The following ZFHX3 variants were observed in gnomAD, a reference collection of about 807,000 sequenced individuals.
ZFHX3 encodes the protein zinc finger homeobox protein 3.
ZFHX3 carries 42 observed loss-of-function variants against 279.1 expected under a neutral mutation model. The observed-to-expected ratio is 0.15, with a 90% CI of 0.12 to 0.19. The LOEUF (loss-of-function observed/expected upper bound fraction) is 0.19. Ranked by LOEUF, ZFHX3 falls within the 10% of genes least tolerant of loss-of-function variation. The pLI, the probability that ZFHX3 is intolerant of heterozygous loss-of-function variation, is 1.00. For synonymous variants in ZFHX3, 2,293 were observed against 1,957.8 expected (o/e 1.17, Z -4.52); for missense variants, 4,981 against 4,754.0 (o/e 1.05, Z -1.40).
At chr16:72,993,723 C>T (rs866199152) in intron 1 of ZFHX3, among the ~76,000 whole-genome samples, 5 of 152,146 alleles carry the variant, frequency 3.3e-5, no homozygotes, top group Non-Finnish European at 5.9e-5. Flanking sequence ...TGTTTGCTCA[C>T]GATAACTCCT....
At chr16:73,576,039 T>C in intron 2 of ZFHX3, among the ~76,000 whole-genome samples, 1 of 152,170 alleles carries the variant, frequency 6.6e-6, no homozygotes, top group East Asian at 1.9e-4. Flanking sequence ...CTCTTGATAT[T>C]TTTCTTGACC....
At chr16:72,836,959 A>C (rs572799970) in intron 4 of ZFHX3, among the ~76,000 whole-genome samples, 31 of 152,244 alleles carry the variant, frequency 2.0e-4, no homozygotes, top group African/African-American at 6.7e-4. Context: ...TCAGGATGTC[A>C]TTTCTTTTCC....
At chr16:73,784,786 TAAAAA>T (rs66537411) in intron 1 of ZFHX3, among the ~76,000 whole-genome samples, 9,067 of 133,636 alleles carry the variant, frequency 0.068, 1,058 homozygotes, top group African/African-American at 0.25. Flanking sequence ...TTTAACAAAA[TAAAAA>T]AAAAAATATA....
At chr16:73,630,116 A>T (rs1020723739) in intron 2 of ZFHX3, among the ~76,000 whole-genome samples, 11 of 152,186 alleles carry the variant, frequency 7.2e-5, no homozygotes, top group Non-Finnish European at 1.3e-4. Flanking sequence ...GAAAAAAAAA[A>T]TTCCAGAGGT....
chr16:73,352,864 A>C (rs1444387946), intron 3 of ZFHX3, among the ~76,000 whole-genome samples: 1 of 152,120 alleles, frequency 6.6e-6, no homozygotes, highest in Non-Finnish European at 1.5e-5. Context: ...CCTCAGCTGC[A>C]CTGGTCAATC....
At chr16:73,099,303 A>T (rs1372279811) in intron 7 of ZFHX3, 1 of 152,250 alleles carries the variant, frequency 6.6e-6, no homozygotes. Context: ...TTAAAAAATA[A>T]TGCCACCCTA....
intron 1 of ZFHX3, among the ~76,000 whole-genome samples, chr16:73,786,221 C>A (rs1170226772): frequency 6.6e-6 from 1 of 151,910 alleles, no homozygotes. Flanking sequence ...ATGGATGTGG[C>A]CTCTTCCTTT....
chr16:73,238,151 G>A (rs868633355), intron 5 of ZFHX3, among the ~76,000 whole-genome samples: 2 of 152,112 alleles, frequency 1.3e-5, no homozygotes, highest in African/African-American at 2.4e-5. Flanking sequence ...CTTCATGTCA[G>A]ACTTATCTTC....
intron 5 of ZFHX3, among the ~76,000 whole-genome samples, chr16:73,228,631 C>T (rs147316978): frequency 4.0e-4 from 61 of 152,252 alleles, no homozygotes; most frequent in Admixed American, 1.1e-3. Flanking sequence ...CCATTGTACT[C>T]CAGCATGGGT....
At chr16:73,624,393 G>A (rs1016105161) in intron 2 of ZFHX3, among the ~76,000 whole-genome samples, 7 of 152,242 alleles carry the variant, frequency 4.6e-5, no homozygotes, top group African/African-American at 1.7e-4. Flanking sequence ...CCTGCCGTGT[G>A]CTAAGGCAAT....
At chr16:73,665,075 C>G (rs1335413060) in intron 2 of ZFHX3, among the ~76,000 whole-genome samples, 2 of 152,158 alleles carry the variant, frequency 1.3e-5, no homozygotes, top group Non-Finnish European at 2.9e-5. Flanking sequence ...TGTCCCTGCT[C>G]TCACGGAGTT....
At chr16:73,035,390 C>T (rs1964861764) in intron 1 of ZFHX3, among the ~76,000 whole-genome samples, 1 of 152,236 alleles carries the variant, frequency 6.6e-6, no homozygotes, top group South Asian at 2.1e-4. Flanking sequence ...CAGATTCAGG[C>T]GGGATTCTAA....
At chr16:73,458,515 G>T (rs2018415520) in intron 2 of ZFHX3, among the ~76,000 whole-genome samples, 1 of 151,874 alleles carries the variant, frequency 6.6e-6, no homozygotes, top group African/African-American at 2.4e-5. Flanking sequence ...AGCTGGGATT[G>T]CAGGAACCTG....
intron 1 of ZFHX3, among the ~76,000 whole-genome samples, chr16:73,770,287 G>A (rs1233870561): frequency 6.6e-6 from 1 of 152,222 alleles, no homozygotes; most frequent in Non-Finnish European, 1.5e-5. Flanking sequence ...AGGGAACCAT[G>A]AGCCAAAGAA....
chr16:73,853,569 A>G (rs904760726), intron 1 of ZFHX3, among the ~76,000 whole-genome samples: 32 of 152,226 alleles, frequency 2.1e-4, no homozygotes, highest in African/African-American at 7.0e-4. Context: ...TAAGCAAACT[A>G]ACTGAGAAAC....
chr16:73,034,914 G>A (rs1270176069), intron 1 of ZFHX3, among the ~76,000 whole-genome samples: 1 of 152,200 alleles, frequency 6.6e-6, no homozygotes, highest in Non-Finnish European at 1.5e-5. Flanking sequence ...CCCGCTGTGT[G>A]CAGACTGAGC....
At chr16:73,574,729 C>A (rs571005487) in intron 2 of ZFHX3, among the ~76,000 whole-genome samples, 2 of 152,146 alleles carry the variant, frequency 1.3e-5, no homozygotes, top group African/African-American at 4.8e-5. Flanking sequence ...GAGTCAAGGT[C>A]CTCGGTCAAG....
At chr16:73,263,032 C>T (rs1185952763) in intron 4 of ZFHX3, among the ~76,000 whole-genome samples, 1 of 152,132 alleles carries the variant, frequency 6.6e-6, no homozygotes, top group Non-Finnish European at 1.5e-5. Context: ...CCCTAGCCAT[C>T]CAGCCATCCC....
chr16:73,471,509 A>G (rs938029702), intron 2 of ZFHX3, among the ~76,000 whole-genome samples: 1 of 152,034 alleles, frequency 6.6e-6, no homozygotes, highest in Non-Finnish European at 1.5e-5. Flanking sequence ...CCCAGGTTCA[A>G]GTGATTCTCC....
Sources: allele counts gnomAD v4.1 joint callset (sites outside exome capture counted in the v4.1 genomes callset), GRCh38; gene constraint gnomAD v4.1.1; transcripts MANE v1.5; gene names NCBI Gene and HGNC (gene_info 2026-07-23, HGNC 2026-07-21).